The following DNAI4 variants were observed in gnomAD, a reference collection of about 807,000 sequenced individuals.
DNAI4 encodes the protein dynein axonemal intermediate chain 4, also known as WD repeat domain 78.
DNAI4 carries 85 observed loss-of-function variants against 105.8 expected under a neutral mutation model. The ratio of observed to expected loss-of-function variants is 0.80; its 90% CI spans 0.67 to 0.96. The LOEUF (loss-of-function observed/expected upper bound fraction) is 0.96. Among genes scored for constraint, DNAI4 ranks in the 40% least tolerant of loss-of-function variants. The probability of loss-of-function intolerance (pLI) is 0.00; values close to 1 mark genes in which losing one functional copy is unlikely to be tolerated. For synonymous variants in DNAI4, 352 were observed against 331.5 expected (o/e 1.06, Z -0.67); for missense variants, 1,014 against 1,005.6 (o/e 1.01, Z -0.11).
At position 66,893,426 on chromosome 1, in the gene DNAI4, GT is replaced by G. The variant is rs768557365; in HGVS notation, c.346-14del. The G allele has an allele frequency of 1.4e-6, 2 of 1,462,260 alleles. No individual in the cohort carries two copies. The highest frequency in any genetic ancestry group is 4.9e-5 in the Admixed American group (2 of 40,498). 90.6% of individuals were successfully genotyped at this position (1,462,260 alleles called of 1,614,324 possible). ...TTATGTCAAATACCTGTTAAAAATG[GT>G]TATTTAAAATGAAATAACTAAAAAA... is the stretch of plus-strand genomic sequence containing the variant. On this transcript the variant is annotated splice_polypyrimidine_tract_variant and intron_variant, in intron 2 of 16. Transcript: ENST00000371026.
At chr1:66,919,492 C>G (rs1237396056) in intron 1 of DNAI4, among the ~76,000 whole-genome samples, 1 of 152,188 alleles carries the variant, frequency 6.6e-6, no homozygotes, top group Admixed American at 6.5e-5. Flanking sequence ...AGACAACTAG[C>G]TAACTACTGA....
At chr1:66,903,411 G>A (rs913298518) in intron 2 of DNAI4, among the ~76,000 whole-genome samples, 2 of 152,154 alleles carry the variant, frequency 1.3e-5, no homozygotes, top group Non-Finnish European at 2.9e-5. Context: ...TTTTAGTTGT[G>A]TGTGTGTGTA....
At chr1:66,818,433 C>T (rs573634951) in intron 16 of DNAI4, among the ~76,000 whole-genome samples, 1 of 151,872 alleles carries the variant, frequency 6.6e-6, no homozygotes, top group South Asian at 2.1e-4. Flanking sequence ...ATTGCAAAAA[C>T]TCACTTAGCA....
At chr1:66,904,766 T>C (rs1004652731) in intron 2 of DNAI4, 1 of 156,632 alleles carries the variant, frequency 6.4e-6, no homozygotes, top group Admixed American at 6.5e-5. Context: ...CAAAATTATA[T>C]ATTATATGCT....
chr1:66,877,913 T>C (rs1646990534), intron 4 of DNAI4, among the ~76,000 whole-genome samples: 1 of 152,164 alleles, frequency 6.6e-6, no homozygotes, highest in African/African-American at 2.4e-5. Flanking sequence ...TCTCATCATA[T>C]CATATCAAAG....
chr1:66,893,101 G>GAA (rs1319806800), intron 3 of DNAI4, 128 bp downstream of exon 3: 2 of 447,860 alleles, frequency 4.5e-6, no homozygotes, highest in Admixed American at 4.0e-5. Flanking sequence ...AAGAAAGAAA[G>GAA]AAAGAAAGAA....
chr1:66,837,364 CA>C lies in DNAI4; in HGVS notation c.1581+345del, dbSNP rs529364212. Among the ~76,000 whole-genome samples, 254 of 82,544 alleles carry C rather than the reference CA, an allele frequency of 3.1e-3. 1 individual carries two copies. Among genetic ancestry groups the C allele is most frequent in the Middle Eastern group, 0.012 (2 of 162 alleles). The allele number at this position is 82,544 out of a possible 152,430, so 54.2% of individuals were successfully genotyped here. A position where few individuals can be genotyped will look rare whatever the true frequency, so the allele number is the denominator to read the frequency against. On this transcript the variant is annotated intron_variant, in intron 10 of 16. Transcript: ENST00000371026. ...TGGGCGACAATGTAAGACTCTGTCTCAAAAAAAAAAAAAAAAAAAACATAAT... is the reference window on the plus strand; with the variant it reads ...TGGGCGACAATGTAAGACTCTGTCTCAAAAAAAAAAAAAAAAAAACATAAT...
chr1:66,814,330 A>G, intron 16 of DNAI4, 150 bp from the exon 17 acceptor site: 1 of 604,692 alleles, frequency 1.7e-6, no homozygotes, highest in South Asian at 2.3e-5. Context: ...AAGTTTAAAC[A>G]GTAATGGTTA....
intron 6 of DNAI4, among the ~76,000 whole-genome samples, chr1:66,864,339 T>C (rs1646687227): frequency 6.6e-6 from 1 of 152,206 alleles, no homozygotes. Context: ...TATAATTATA[T>C]GCTATTAAAG....
At chr1:66,900,260 C>T (rs772399430) in intron 2 of DNAI4, among the ~76,000 whole-genome samples, 19 of 152,042 alleles carry the variant, frequency 1.2e-4, no homozygotes, top group Non-Finnish European at 2.4e-4. Flanking sequence ...CACCACCACA[C>T]CCGGCTAACT....
At chr1:66,820,735 G>A (rs994719821) in intron 16 of DNAI4, among the ~76,000 whole-genome samples, 1 of 152,088 alleles carries the variant, frequency 6.6e-6, no homozygotes, top group Non-Finnish European at 1.5e-5. Flanking sequence ...AGTGACACTT[G>A]AGCAAAGATT....
intron 13 of DNAI4, 103 bp from the exon 14 acceptor site, chr1:66,828,013 C>T (rs958721687): frequency 1.4e-6 from 1 of 703,546 alleles, no homozygotes; most frequent in Admixed American, 2.9e-5. Context: ...ATTCAAGAAC[C>T]CAAAATAAAA....
chr1:66,836,335 G>A (rs543646734), intron 10 of DNAI4, among the ~76,000 whole-genome samples: 1 of 150,888 alleles, frequency 6.6e-6, no homozygotes, highest in South Asian at 2.1e-4. Context: ...AAGGAAAGAG[G>A]GAAGGAAGGG....
intron 4 of DNAI4, among the ~76,000 whole-genome samples, chr1:66,880,390 T>C (rs144730954): frequency 2.4e-4 from 37 of 152,306 alleles, no homozygotes; most frequent in Admixed American, 1.9e-3. Flanking sequence ...TAGAGACTTT[T>C]TGCATGGCTT....
At chr1:66,852,418 A>G (rs1646415608) in intron 7 of DNAI4, among the ~76,000 whole-genome samples, 1 of 152,052 alleles carries the variant, frequency 6.6e-6, no homozygotes, top group Admixed American at 6.5e-5. Flanking sequence ...AGTGCAAAAA[A>G]GAAAGCTACA....
chr1:66,827,124 G>A, intron 14 of DNAI4, 78 bp from the exon 15 acceptor site: 1 of 1,264,700 alleles, frequency 7.9e-7, no homozygotes, highest in Non-Finnish European at 1.1e-6. Context: ...AATTAAAAAT[G>A]CTAAGATTTC....
chr1:66,823,354 T>C (rs568323135), intron 15 of DNAI4, among the ~76,000 whole-genome samples: 22 of 152,162 alleles, frequency 1.4e-4, no homozygotes, highest in African/African-American at 5.3e-4. Context: ...TTGTGAATAA[T>C]GCCGCAATAA....
In DNAI4 at chr1:66,827,049, A is replaced by C. The variant is rs1458605534; in HGVS notation, c.2113-3T>G. ...CATGTCACTTTATACACTGGACCCT[A>C]GAAATAAAAAAAAAATACATAGGTA... On this transcript the variant is annotated splice_polypyrimidine_tract_variant and splice_region_variant and intron_variant, in intron 14 of 16. Coordinates refer to ENST00000371026, the MANE Select transcript of DNAI4 (RefSeq NM_024763.5). 1 of 1,593,490 alleles carries C rather than the reference A, an allele frequency of 6.3e-7. No homozygotes were observed.
chr1:66,910,603 C>T (rs1020304644), intron 1 of DNAI4, among the ~76,000 whole-genome samples: 7 of 152,244 alleles, frequency 4.6e-5, no homozygotes, highest in African/African-American at 1.2e-4. Context: ...GAACAACAGG[C>T]GCAGCCCCTG....
Sources: allele counts gnomAD v4.1 joint callset (sites outside exome capture counted in the v4.1 genomes callset), GRCh38; gene constraint gnomAD v4.1.1; transcripts MANE v1.5; gene names NCBI Gene and HGNC (gene_info 2026-07-23, HGNC 2026-07-21).